Variants in ZFYVE9 observed in about 807,000 individuals in gnomAD.
ZFYVE9 encodes the protein zinc finger FYVE-type containing 9.
Under a neutral mutation model 126.7 loss-of-function variants are expected in ZFYVE9, and 43 were observed. That is an observed-to-expected ratio of 0.34 (90% CI 0.27 to 0.44). The LOEUF is 0.44. Among genes scored for constraint, ZFYVE9 ranks in the 20% least tolerant of loss-of-function variants. The probability of loss-of-function intolerance (pLI) is 1.00; values close to 1 mark genes in which losing one functional copy is unlikely to be tolerated. For synonymous variants in ZFYVE9, 521 were observed against 597.4 expected, an observed-to-expected ratio of 0.87 and a Z score of 1.87; for missense variants, 1,476 against 1,697.0, an observed-to-expected ratio of 0.87 and a Z score of 2.29.
chr1:52,344,602 G>T lies in ZFYVE9; in HGVS notation c.3940-166G>T, dbSNP rs528827911. Among the ~76,000 whole-genome samples the T allele has an allele frequency of 4.4e-4, 67 of 152,098 alleles. 1 individual carries two copies. Among genetic ancestry groups the T allele is most frequent in the Non-Finnish European group, 8.1e-4 (55 of 67,964 alleles). On this transcript the variant is annotated intron_variant, in intron 17 of 18. Transcript: ENST00000287727. Reference sequence around the variant, plus strand: ...ACAGGGATTGTTTTTTTTTTAGGTGGAAGACAAATGCCCAACTTTTCCTGG... The same window carrying T: ...ACAGGGATTGTTTTTTTTTTAGGTGTAAGACAAATGCCCAACTTTTCCTGG...
chr1:52,254,898 C>T (rs1367804343), intron 4 of ZFYVE9, among the ~76,000 whole-genome samples: 1 of 151,774 alleles, frequency 6.6e-6, no homozygotes, highest in African/African-American at 2.4e-5. Context: ...CTTAGGAGTT[C>T]GAGACCAGCC....
At chr1:52,227,134 G>A (rs1645177778) in intron 2 of ZFYVE9, among the ~76,000 whole-genome samples, 1 of 152,242 alleles carries the variant, frequency 6.6e-6, no homozygotes, top group East Asian at 1.9e-4. Context: ...TTCCATGTAA[G>A]CTGTAAGGAA....
At chr1:52,209,788 A>G (rs1645010892) in intron 1 of ZFYVE9, among the ~76,000 whole-genome samples, 1 of 152,224 alleles carries the variant, frequency 6.6e-6, no homozygotes, top group Non-Finnish European at 1.5e-5. Context: ...CTAGAGAAGT[A>G]AGCAGAAACC....
chr1:52,305,459 C>T (rs573438409), intron 13 of ZFYVE9, among the ~76,000 whole-genome samples: 1 of 152,290 alleles, frequency 6.6e-6, no homozygotes, highest in South Asian at 2.1e-4. Context: ...AACCTTATGC[C>T]TGCTTTCGGA....
intron 13 of ZFYVE9, among the ~76,000 whole-genome samples, chr1:52,315,642 G>A (rs1479431718): frequency 6.6e-6 from 1 of 151,890 alleles, no homozygotes; most frequent in East Asian, 1.9e-4. Context: ...AAATGGGTAG[G>A]TATATCTAAT....
At chr1:52,258,020 C>T (rs1645539428) in intron 4 of ZFYVE9, among the ~76,000 whole-genome samples, 1 of 152,236 alleles carries the variant, frequency 6.6e-6, no homozygotes, top group Non-Finnish European at 1.5e-5. Context: ...AGCCACTGCA[C>T]CTAGTCCCAG....
At position 52,346,230 on chromosome 1, in the gene ZFYVE9, G is replaced by C. The variant is rs1308532068; in HGVS notation, c.*9G>C. On this transcript the variant is annotated 3_prime_UTR_variant, in exon 19 of 19. Transcript: ENST00000287727. ...TGGAAAACATCGTATAAACAGAGAA[G>C]ACTTCATTTTTTTCTGTTCAGACTT... 1 of 1,570,328 alleles carries C rather than the reference G, an allele frequency of 6.4e-7. No homozygotes were observed. Among genetic ancestry groups the C allele is most frequent in the African/African-American group, 1.4e-5 (1 of 73,386 alleles).
intron 1 of ZFYVE9, among the ~76,000 whole-genome samples, chr1:52,209,615 C>T (rs536587865): frequency 6.6e-6 from 1 of 152,098 alleles, no homozygotes; most frequent in Admixed American, 6.6e-5. Context: ...TGACTGGCTT[C>T]TTTCACTTAG....
chr1:52,271,759 C>T (rs1372435786), intron 7 of ZFYVE9, among the ~76,000 whole-genome samples: 2 of 152,138 alleles, frequency 1.3e-5, no homozygotes, highest in Admixed American at 1.3e-4. Flanking sequence ...TTAGAAATCC[C>T]ACTAAAAATG....
chr1:52,314,656 A>G (rs1646166324), intron 13 of ZFYVE9, among the ~76,000 whole-genome samples: 1 of 152,134 alleles, frequency 6.6e-6, no homozygotes, highest in African/African-American at 2.4e-5. Context: ...GGTCTCTACT[A>G]AAAATAGAAA....
chr1:52,324,663 T>C (rs1646274421), intron 13 of ZFYVE9, among the ~76,000 whole-genome samples: 1 of 152,212 alleles, frequency 6.6e-6, no homozygotes, highest in Admixed American at 6.5e-5. Flanking sequence ...GGATGATGGG[T>C]GTGAATCCTG....
At chr1:52,200,452 A>T (rs1644913068) in intron 1 of ZFYVE9, among the ~76,000 whole-genome samples, 2 of 152,178 alleles carry the variant, frequency 1.3e-5, no homozygotes, top group African/African-American at 2.4e-5. Context: ...AAGTGTTGGG[A>T]TTACAGATGT....
At chr1:52,312,375 A>T (rs1247252188) in intron 13 of ZFYVE9, among the ~76,000 whole-genome samples, 3 of 152,214 alleles carry the variant, frequency 2.0e-5, no homozygotes, top group Admixed American at 1.3e-4. Flanking sequence ...TCATGAGGTT[A>T]TTTGGTTATA....
At chr1:52,273,875 A>T (rs1645719000) in intron 7 of ZFYVE9, among the ~76,000 whole-genome samples, 2 of 152,092 alleles carry the variant, frequency 1.3e-5, no homozygotes, top group Non-Finnish European at 2.9e-5. Context: ...TAGTAAATGA[A>T]AAATGATGAC....
intron 13 of ZFYVE9, among the ~76,000 whole-genome samples, chr1:52,304,930 A>T (rs759808034): frequency 1.3e-5 from 2 of 152,170 alleles, no homozygotes; most frequent in Non-Finnish European, 2.9e-5. Context: ...GACTAGGTAG[A>T]GTCAAATCTT....
At chr1:52,333,651 T>A (rs1646363521) in intron 14 of ZFYVE9, among the ~76,000 whole-genome samples, 1 of 152,032 alleles carries the variant, frequency 6.6e-6, no homozygotes, top group Admixed American at 6.6e-5. Flanking sequence ...TTTAATAGAT[T>A]TAATCTAAGA....
chr1:52,194,086 G>A (rs1264253475), intron 1 of ZFYVE9, among the ~76,000 whole-genome samples: 1 of 152,058 alleles, frequency 6.6e-6, no homozygotes, highest in Non-Finnish European at 1.5e-5. Flanking sequence ...TCCAGTCTGG[G>A]CGACAGAGCC....
rs979668650 is a variant in ZFYVE9 at position 52,263,713 on chromosome 1, T to C, written c.2179-60T>C. 161 of 893,156 alleles carry C rather than the reference T, an allele frequency of 1.8e-4. 1 individual carries two copies. Among genetic ancestry groups the C allele is most frequent in the Middle Eastern group, 6.6e-4 (3 of 4,564 alleles). The allele number at this position is 893,156 out of a possible 1,614,324, so 55.3% of individuals were successfully genotyped here. A position where few individuals can be genotyped will look rare whatever the true frequency, so the allele number is the denominator to read the frequency against. On this transcript the variant is annotated intron_variant, in intron 4 of 18. Transcript: ENST00000287727. ...TCAGTGTTTGTCAATATTGGTTCAC[T>C]CTCTTTGCATGGCAATCCCAAGTAA...
At chr1:52,286,435 A>T (rs528890844) in intron 10 of ZFYVE9, among the ~76,000 whole-genome samples, 1 of 152,340 alleles carries the variant, frequency 6.6e-6, no homozygotes, top group South Asian at 2.1e-4. Flanking sequence ...TGTGTTTCAC[A>T]TATATATACA....
Sources: gnomAD v4.1 joint callset for allele counts (sites outside exome capture counted in the v4.1 genomes callset) on GRCh38, gnomAD v4.1.1 for gene constraint, MANE v1.5 for transcripts, NCBI Gene and HGNC (gene_info 2026-07-23, HGNC 2026-07-21) for gene names.